ASTN2: variants seen among roughly 807,000 people sequenced by gnomAD.
ASTN2 encodes astrotactin-2.
ASTN2 carries 54 observed loss-of-function variants against 139.8 expected under a neutral mutation model. That is an observed-to-expected ratio of 0.39 (90% CI 0.31 to 0.48). ASTN2 has a LOEUF of 0.48. Among genes scored for constraint, ASTN2 ranks in the 20% least tolerant of loss-of-function variants. The pLI is 0.95. For synonymous variants in ASTN2, 756 were observed against 719.5 expected (o/e 1.05, Z -0.81); for missense variants, 1,565 against 1,725.1 (o/e 0.91, Z 1.64).
chr9:116,998,187 T>C (rs984491796), intron 7 of ASTN2, among the ~76,000 whole-genome samples: 4 of 152,170 alleles, frequency 2.6e-5, no homozygotes, highest in African/African-American at 9.7e-5. Context: ...TCTAGTAAAA[T>C]TCATGACAAA....
chr9:117,340,783 T>C (rs888329368), intron 1 of ASTN2, among the ~76,000 whole-genome samples: 5 of 152,176 alleles, frequency 3.3e-5, no homozygotes, highest in Admixed American at 1.3e-4. Flanking sequence ...AGGCACAAAG[T>C]AAGGGTGAGG....
chr9:117,312,180 C>G (rs1001258044), intron 1 of ASTN2, among the ~76,000 whole-genome samples: 1 of 152,130 alleles, frequency 6.6e-6, no homozygotes, highest in East Asian at 1.9e-4. Context: ...TCTCTTGTTG[C>G]TAATATATTC....
chr9:117,412,000 T>TC (rs1471234629), intron 1 of ASTN2, among the ~76,000 whole-genome samples: 5 of 6,468 alleles, frequency 7.7e-4, no homozygotes, highest in Middle Eastern at 0.083. Flanking sequence ...CACCCCCACC[T>TC]CACCCCTCCC....
intron 20 of ASTN2, among the ~76,000 whole-genome samples, chr9:116,456,819 T>C (rs1308346241): frequency 6.6e-6 from 1 of 152,098 alleles, no homozygotes; most frequent in Admixed American, 6.6e-5. Flanking sequence ...GGCCAAACCA[T>C]ATCAACATTG....
intron 7 of ASTN2, among the ~76,000 whole-genome samples, chr9:116,990,456 G>C (rs189189050): frequency 1.3e-5 from 2 of 149,816 alleles, no homozygotes; most frequent in East Asian, 4.0e-4. Context: ...TAGTAGAAAT[G>C]AGGTCTCACC....
At chr9:117,345,511 A>G (rs1444341532) in intron 1 of ASTN2, among the ~76,000 whole-genome samples, 1 of 152,220 alleles carries the variant, frequency 6.6e-6, no homozygotes, top group East Asian at 1.9e-4. Flanking sequence ...TGTGGCTCAA[A>G]GAGATGACGA....
At chr9:116,525,886 C>T (rs1194108650) in intron 19 of ASTN2, among the ~76,000 whole-genome samples, 1 of 152,188 alleles carries the variant, frequency 6.6e-6, no homozygotes, top group African/African-American at 2.4e-5. Context: ...TCTCCACAAA[C>T]CATCCCTTAC....
At chr9:117,261,944 G>A (rs1833831644) in intron 2 of ASTN2, among the ~76,000 whole-genome samples, 1 of 152,258 alleles carries the variant, frequency 6.6e-6, no homozygotes, top group South Asian at 2.1e-4. Flanking sequence ...CTATTAAGAA[G>A]CATCTTTAAA....
intron 2 of ASTN2, among the ~76,000 whole-genome samples, chr9:117,225,529 C>T (rs1295404873): frequency 1.5e-5 from 1 of 65,636 alleles, no homozygotes; most frequent in African/African-American, 4.9e-5. Context: ...CCTGGCCAAG[C>T]TGTATGTATA....
At chr9:116,823,586 G>C (rs117462755) in intron 11 of ASTN2, among the ~76,000 whole-genome samples, 16 of 152,300 alleles carry the variant, frequency 1.1e-4, no homozygotes, top group Non-Finnish European at 1.8e-4. Context: ...AGAACGTGAA[G>C]CCAGGCTTCC....
chr9:117,062,981 G>A (rs1368597623), intron 5 of ASTN2, among the ~76,000 whole-genome samples: 2 of 152,158 alleles, frequency 1.3e-5, no homozygotes, highest in Non-Finnish European at 2.9e-5. Flanking sequence ...CACCAGAGCA[G>A]AGATTAGGTA....
At chr9:117,286,363 T>TC (rs1224373673) in intron 2 of ASTN2, among the ~76,000 whole-genome samples, 1 of 150,506 alleles carries the variant, frequency 6.6e-6, no homozygotes, top group East Asian at 2.0e-4. Context: ...TCTTTTTTTT[T>TC]TTTTTTTGAG....
chr9:116,970,019 G>A (rs1444180363), intron 10 of ASTN2, among the ~76,000 whole-genome samples: 1 of 152,086 alleles, frequency 6.6e-6, no homozygotes, highest in African/African-American at 2.4e-5. Flanking sequence ...AGCTTCTGGC[G>A]GCAGCTGGCA....
chr9:117,325,604 T>C (rs959603668), intron 1 of ASTN2, among the ~76,000 whole-genome samples: 1 of 152,152 alleles, frequency 6.6e-6, no homozygotes, highest in Non-Finnish European at 1.5e-5. Context: ...AATTACCTGC[T>C]GTGTGTCCTC....
chr9:116,465,154 GA>G (rs1204196136), intron 20 of ASTN2, among the ~76,000 whole-genome samples: 1 of 152,178 alleles, frequency 6.6e-6, no homozygotes, highest in Non-Finnish European at 1.5e-5. Flanking sequence ...CCTCCACCAC[GA>G]AGGCTGCATA....
At chr9:116,953,191 G>C (rs1050212172) in intron 10 of ASTN2, among the ~76,000 whole-genome samples, 5 of 152,118 alleles carry the variant, frequency 3.3e-5, no homozygotes, top group African/African-American at 1.2e-4. Context: ...TCATTCTTTG[G>C]CTTAACTGAA....
intron 19 of ASTN2, among the ~76,000 whole-genome samples, chr9:116,607,220 T>C (rs1289302285): frequency 1.3e-5 from 2 of 152,220 alleles, no homozygotes; most frequent in African/African-American, 4.8e-5. Context: ...GACATGAATG[T>C]GTCTAACCAT....
intron 1 of ASTN2, among the ~76,000 whole-genome samples, chr9:117,296,203 G>A (rs760198134): frequency 4.2e-5 from 6 of 143,094 alleles, no homozygotes; most frequent in Non-Finnish European, 6.0e-5. Flanking sequence ...ACTTGAACCC[G>A]GGAGGTGGAG....
intron 20 of ASTN2, among the ~76,000 whole-genome samples, chr9:116,469,571 A>G (rs759893280): frequency 8.5e-5 from 13 of 152,230 alleles, no homozygotes; most frequent in Non-Finnish European, 1.9e-4. Context: ...TTATTCCCTC[A>G]GTGACTTTGG....
Sources: gnomAD v4.1 joint callset for allele counts (sites outside exome capture counted in the v4.1 genomes callset) on GRCh38, gnomAD v4.1.1 for gene constraint, MANE v1.5 for transcripts, NCBI Gene and HGNC (gene_info 2026-07-23, HGNC 2026-07-21) for gene names.